The following MAPRE1 variants were observed in gnomAD, a reference collection of about 807,000 sequenced individuals.
MAPRE1 encodes the protein microtubule associated protein RP/EB family member 1.
In MAPRE1, 5 loss-of-function variants were observed where a neutral mutation model predicts 32.1. The observed-to-expected ratio is 0.16, with a 90% CI of 0.08 to 0.33. The LOEUF (loss-of-function observed/expected upper bound fraction) is 0.33. Among genes scored for constraint, MAPRE1 ranks in the 10% least tolerant of loss-of-function variants. MAPRE1 has a pLI of 1.00. For synonymous variants in MAPRE1, 122 were observed against 118.9 expected, an observed-to-expected ratio of 1.03 and a Z score of -0.17; for missense variants, 209 against 327.2, an observed-to-expected ratio of 0.64 and a Z score of 2.79.
chr20:32,827,894 C>CAA (rs397864779), intron 2 of MAPRE1, among the ~76,000 whole-genome samples: 67 of 131,902 alleles, frequency 5.1e-4, no homozygotes, highest in South Asian at 1.2e-3. Flanking sequence ...GGCTCTGTCT[C>CAA]AAAAAAAAAA....
intron 2 of MAPRE1, among the ~76,000 whole-genome samples, chr20:32,828,783 T>A (rs2300419): frequency 0.15 from 22,857 of 152,234 alleles, 2,052 homozygotes; most frequent in East Asian, 0.35. Flanking sequence ...CAGATCTTTC[T>A]GAGCACACAG....
At chr20:32,843,849 GT>G (rs58476543) in intron 5 of MAPRE1, among the ~76,000 whole-genome samples, 3,888 of 142,988 alleles carry the variant, frequency 0.027, 140 homozygotes, top group African/African-American at 0.091. Flanking sequence ...CTAGCTACAG[GT>G]TTTTTTTTTT....
chr20:32,833,605 T>A (rs1983102855), intron 2 of MAPRE1, 112 bp from the exon 3 acceptor site: 3 of 935,628 alleles, frequency 3.2e-6, no homozygotes, highest in Non-Finnish European at 4.8e-6. Flanking sequence ...AAGCTTTTGG[T>A]TTTTGTAGGT....
chr20:32,836,908 G>C, intron 4 of MAPRE1, 67 bp downstream of exon 4: 1 of 1,426,626 alleles, frequency 7.0e-7, no homozygotes, highest in Non-Finnish European at 9.5e-7. Context: ...CGTTCAACTA[G>C]AATTTTTTTC....
Position 32,846,873 on chromosome 20 carries a change from A to G in MAPRE1, c.750+103A>G, listed in dbSNP as rs553484438. On this transcript the variant is annotated intron_variant, in intron 6 of 6. Coordinates refer to ENST00000375571, the MANE Select transcript of MAPRE1 (RefSeq NM_012325.3). ...ATTCCAGTGTTGCATTCATCAAAAG[A>G]CTTCATCTTTAACCCCTCAAAGTCA... The G allele has an allele frequency of 1.3e-5, 17 of 1,296,886 alleles. No homozygotes were observed. In the East Asian group the frequency reaches 3.5e-4, roughly 27 times the overall value. The allele number at this position is 1,296,886 out of a possible 1,614,324, so 80.3% of individuals were successfully genotyped here.
At chr20:32,836,967 G>A in intron 4 of MAPRE1, 126 bp downstream of exon 4, 2 of 856,690 alleles carry the variant, frequency 2.3e-6, no homozygotes, top group Non-Finnish European at 3.6e-6. Flanking sequence ...CAGGCATGTG[G>A]CCAGAGTATG....
At chr20:32,837,396 T>G (rs1284939120) in intron 4 of MAPRE1, among the ~76,000 whole-genome samples, 1 of 152,198 alleles carries the variant, frequency 6.6e-6, no homozygotes, top group Non-Finnish European at 1.5e-5. Context: ...CTTGCCATGG[T>G]GCTAGCAGAG....
chr20:32,820,832 C>T (rs1232828097), intron 1 of MAPRE1, among the ~76,000 whole-genome samples: 1 of 152,154 alleles, frequency 6.6e-6, no homozygotes, highest in Non-Finnish European at 1.5e-5. Flanking sequence ...GGATGAGGAT[C>T]CTGGGGCCCA....
rs145784113 is a variant in MAPRE1 at position 32,833,761 on chromosome 20, A to G, written c.166A>G (p.Ile56Val). ...TATGGACATGCTGTTCCCTGGCTCC[A>G]TTGCCTTGAAGAAAGTGAAATTCCA... The part of the protein sequence containing the change: ...QFMDMLFPGS[I>V]ALKKVKFQAK... The change falls in exon 3 of 7, where the codon ATT becomes GTT. Residue 56 changes from isoleucine to valine, a missense_variant. Around this residue, in one of 3 missense-constraint regions of MAPRE1, gnomAD observed 67 missense variants for 140.0 expected, o/e 0.48. Transcript: ENST00000375571. The G allele has an allele frequency of 2.3e-4, 374 of 1,614,040 alleles. 3 individuals are homozygous for G. In the African/African-American group the frequency reaches 4.6e-3, roughly 20 times the overall value.
At chr20:32,832,716 C>T (rs1016104095) in intron 2 of MAPRE1, among the ~76,000 whole-genome samples, 3 of 151,526 alleles carry the variant, frequency 2.0e-5, no homozygotes, top group African/African-American at 7.3e-5. Flanking sequence ...GATCCACCTG[C>T]TTCCCTAAGT....
intron 1 of MAPRE1, among the ~76,000 whole-genome samples, chr20:32,823,905 A>G (rs1982771139): frequency 6.6e-6 from 1 of 152,200 alleles, no homozygotes; most frequent in African/African-American, 2.4e-5. Context: ...CAAACCCAAC[A>G]GTGGATTTCT....
chr20:32,848,597 G>A (rs2067626995), intron 6 of MAPRE1, 75 bp from the exon 7 acceptor site: 1 of 1,135,418 alleles, frequency 8.8e-7, no homozygotes, highest in Non-Finnish European at 1.3e-6. Flanking sequence ...TTAAGAGGCT[G>A]TAAGTATGAG....
intron 2 of MAPRE1, among the ~76,000 whole-genome samples, chr20:32,826,282 T>C (rs113847607): frequency 6.7e-6 from 1 of 148,788 alleles, no homozygotes; most frequent in African/African-American, 2.5e-5. Flanking sequence ...AGTGGCGCGA[T>C]CTCGGCTCAC....
At chr20:32,830,402 A>G (rs1347504797) in intron 2 of MAPRE1, among the ~76,000 whole-genome samples, 1 of 152,158 alleles carries the variant, frequency 6.6e-6, no homozygotes, top group Non-Finnish European at 1.5e-5. Flanking sequence ...CCTACCTGTC[A>G]TTACTTAAAA....
intron 4 of MAPRE1, 28 bp downstream of exon 4, chr20:32,836,869 A>G: frequency 1.9e-6 from 3 of 1,563,362 alleles, no homozygotes; most frequent in Non-Finnish European, 2.6e-6. Context: ...AAACGTTTCC[A>G]AAAAATAGCG....
At chr20:32,834,687 A>C (rs769768809) in intron 3 of MAPRE1, among the ~76,000 whole-genome samples, 1 of 152,134 alleles carries the variant, frequency 6.6e-6, no homozygotes. Flanking sequence ...TAGTATAAGA[A>C]TATCACTTAA....
intron 6 of MAPRE1, among the ~76,000 whole-genome samples, chr20:32,847,564 A>C (rs1224052036): frequency 6.6e-6 from 1 of 152,226 alleles, no homozygotes; most frequent in Non-Finnish European, 1.5e-5. Flanking sequence ...AGATGACTGA[A>C]AAGTTGATAA....
Position 32,848,729 on chromosome 20 carries a change from C to T in MAPRE1, c.*1C>T, listed in dbSNP as rs144395425. The stretch of plus-strand genomic sequence containing the variant: ...ACAGGAGGAGCAAGAAGAGTATTAA[C>T]AGCCTGGACCAGCAGAGCAACATCG... On this transcript the variant is annotated 3_prime_UTR_variant, in exon 7 of 7. Coordinates refer to ENST00000375571, the MANE Select transcript of MAPRE1 (RefSeq NM_012325.3). The T allele has an allele frequency of 2.1e-5, 34 of 1,610,500 alleles. No homozygotes were observed. Among genetic ancestry groups the T allele is most frequent in the African/African-American group, 6.7e-5 (5 of 74,764 alleles).
chr20:32,846,860 C>G, intron 6 of MAPRE1, 90 bp downstream of exon 6: 1 of 1,389,676 alleles, frequency 7.2e-7, no homozygotes. Flanking sequence ...TCCAGTGTTG[C>G]ATTCATCAAA....
Sources: allele counts gnomAD v4.1 joint callset (sites outside exome capture counted in the v4.1 genomes callset), GRCh38; gene constraint gnomAD v4.1.1; regional missense constraint gnomAD v4.1.1; transcripts MANE v1.5; gene names NCBI Gene and HGNC (gene_info 2026-07-23, HGNC 2026-07-21).